The following NPHP3 variants were observed in gnomAD, a reference collection of about 807,000 sequenced individuals.
NPHP3 encodes nephrocystin-3.
A neutral mutation model predicts 171.9 loss-of-function variants in NPHP3; 123 were observed. The observed-to-expected ratio is 0.72, with a 90% CI of 0.62 to 0.83. The LOEUF (loss-of-function observed/expected upper bound fraction) is 0.83. NPHP3 is among the 40% of genes least tolerant of loss of function. The probability of loss-of-function intolerance (pLI) is 0.00; values close to 1 mark genes in which losing one functional copy is unlikely to be tolerated. For synonymous variants in NPHP3, 558 were observed against 579.2 expected (o/e 0.96, Z 0.52); for missense variants, 1,506 against 1,591.9 (o/e 0.95, Z 0.92).
In NPHP3 at chr3:132,692,768, C is replaced by T; in HGVS notation, c.2361G>A (p.Leu787=). ...VSHNGVSESE[L]MELYPEMSWT... ...AGGACATCTCAGGATAGAGTTCCAT[C>T]AGTTCTGATTCACTCACACCATTGT... is the stretch of plus-strand genomic sequence containing the variant. The change falls in exon 17 of 27, where the codon CTG becomes CTA. Residue 787 remains leucine (L), a synonymous_variant. Transcript: ENST00000337331. 2 of 1,613,966 alleles carry T rather than the reference C, an allele frequency of 1.2e-6. No homozygotes were observed. Among genetic ancestry groups the T allele is most frequent in the Non-Finnish European group, 1.7e-6 (2 of 1,179,882 alleles).
rs553460486 is a variant in NPHP3 at position 132,693,140 on chromosome 3, T to C, written c.2311-322A>G. Reference sequence around the variant, plus strand: ...ATTCCAGGAAGACAGTGGAAGAAAATAGCCCTCCTATTATAAACACGTATG... The same window carrying C: ...ATTCCAGGAAGACAGTGGAAGAAAACAGCCCTCCTATTATAAACACGTATG... On this transcript the variant is annotated intron_variant, in intron 16 of 26. Coordinates refer to ENST00000337331, the MANE Select transcript of NPHP3 (RefSeq NM_153240.5). 18 of 285,066 alleles carry C rather than the reference T, an allele frequency of 6.3e-5. No homozygotes were observed. In the East Asian group the frequency reaches 1.3e-3, roughly 20 times the overall value. 17.7% of individuals were successfully genotyped at this position (285,066 alleles called of 1,614,324 possible). A position where few individuals can be genotyped will look rare whatever the true frequency, so the allele number is the denominator to read the frequency against.
intron 3 of NPHP3, chr3:132,717,112 C>A: frequency 4.3e-5 from 22 of 515,506 alleles, no homozygotes; most frequent in South Asian, 8.3e-5. Flanking sequence ...ATCTCAAATT[C>A]AAAGAGAGGA....
At chr3:132,721,137 C>T (rs922318283) in intron 1 of NPHP3, among the ~76,000 whole-genome samples, 1 of 152,074 alleles carries the variant, frequency 6.6e-6, no homozygotes, top group African/African-American at 2.4e-5. Context: ...AGGCTGATCT[C>T]GAACTCCTGA....
At chr3:132,701,681 C>T (rs972903990) in intron 9 of NPHP3, 148 bp from the exon 10 acceptor site, 8 of 642,458 alleles carry the variant, frequency 1.2e-5, no homozygotes, top group East Asian at 5.9e-5. Flanking sequence ...CTCATAATTG[C>T]CTACTTTTAT....
At position 132,689,090 on chromosome 3, in the gene NPHP3, AG is replaced by A. The variant is rs1208525403; in HGVS notation, c.2866del (p.Leu956Ter). ...YETLGRFLKDLGLLSQAIVPL... is the reference protein window; with the variant it reads ...YETLGRFLKDXGLLSQAIVPL... ...TGAGCTTACCTGACTGAGAAGGCCT[AG>A]ATCCTTGAGAAATCGCCCCAAGGTT... is the stretch of plus-strand genomic sequence containing the variant. On this transcript the variant is annotated frameshift_variant, in exon 20 of 27. Transcript: ENST00000337331. LOFTEE classifies it high-confidence loss of function. 6.2e-7 allele frequency: 1 copy of A among 1,614,176 alleles called. No individual in the cohort carries two copies. The highest frequency in any genetic ancestry group is 1.7e-5 in the Admixed American group (1 of 60,018).
At position 132,719,775 on chromosome 3, in the gene NPHP3, G is replaced by A. The variant is rs142663818; in HGVS notation, c.449C>T (p.Ala150Val). ...ILREKESALE[A>V]KYQAMERAAT... The stretch of plus-strand genomic sequence containing the variant: ...TGCTCTCTCCATTGCTTGGTATTTC[G>A]CTTCTAAAGCACTTTCTTTTTCTCG... The change falls in exon 2 of 27, where the codon GCG becomes GTG. Residue 150 changes from alanine (A) to valine (V), a missense_variant. Physicochemically the swap from Ala to Val is moderately conservative, Grantham distance 64 (BLOSUM62 0). This residue lies in a region of NPHP3 where 930 missense variants were observed against 924.9 expected (regional missense o/e 1.01). Coordinates refer to ENST00000337331, the MANE Select transcript of NPHP3 (RefSeq NM_153240.5). 9.4e-4 allele frequency: 1,504 copies of A among 1,599,856 alleles called. 14 individuals carry two copies. In the East Asian group the frequency reaches 0.022, roughly 23 times the overall value.
At chr3:132,719,574 T>C in intron 2 of NPHP3, 131 bp downstream of exon 2, 1 of 572,330 alleles carries the variant, frequency 1.7e-6, no homozygotes, top group Non-Finnish European at 2.7e-6. Flanking sequence ...TGCTCTACAC[T>C]AATTCTTACA....
At chr3:132,720,988 G>A (rs959219669) in intron 1 of NPHP3, among the ~76,000 whole-genome samples, 1 of 151,984 alleles carries the variant, frequency 6.6e-6, no homozygotes, top group African/African-American at 2.4e-5. Context: ...TGCAATCTCG[G>A]CTCACTGCAA....
At chr3:132,694,998 C>A (rs961201333) in intron 15 of NPHP3, 33 bp from the exon 16 acceptor site, 1 of 1,611,390 alleles carries the variant, frequency 6.2e-7, no homozygotes, top group Non-Finnish European at 8.5e-7. Context: ...TAATTTCTTA[C>A]AGATTGCCAA....
intron 26 of NPHP3, 121 bp downstream of exon 26, chr3:132,682,582 C>CA (rs916481446): frequency 1.4e-6 from 1 of 690,296 alleles, no homozygotes. Context: ...AGTCAGTCAG[C>CA]AAAAAACAAC....
At chr3:132,713,802 A>G (rs1939976974) in intron 5 of NPHP3, among the ~76,000 whole-genome samples, 1 of 152,244 alleles carries the variant, frequency 6.6e-6, no homozygotes, top group Non-Finnish European at 1.5e-5. Flanking sequence ...TGTCGTTGGG[A>G]ATAACATTTT....
At chr3:132,697,985 CTTT>C (rs753485150) in intron 13 of NPHP3, among the ~76,000 whole-genome samples, 1 of 143,792 alleles carries the variant, frequency 7.0e-6, no homozygotes. Flanking sequence ...AATTGCTCTA[CTTT>C]TTTTTTTTTT....
chr3:132,700,081 A>G lies in NPHP3; in HGVS notation c.1744-20T>C. 6.2e-7 allele frequency: 1 copy of G among 1,613,580 alleles called. No individual in the cohort carries two copies. On this transcript the variant is annotated intron_variant, in intron 11 of 26. Coordinates refer to ENST00000337331, the MANE Select transcript of NPHP3 (RefSeq NM_153240.5). ...CATCAACTACAAGATAAGAACACAC[A>G]CAAACTGAAGTAGTTACACGTAGTT...
intron 4 of NPHP3, among the ~76,000 whole-genome samples, chr3:132,715,573 G>C (rs1371356363): frequency 1.3e-5 from 2 of 152,182 alleles, no homozygotes. Context: ...GAAATATATT[G>C]AGTTAAAAGA....
chr3:132,712,504 C>T (rs111819704), intron 6 of NPHP3: 11,681 of 455,980 alleles, frequency 0.026, 241 homozygotes, highest in South Asian at 0.057. Flanking sequence ...TGTTGGCCTA[C>T]GCCTGTAATC....
At chr3:132,691,712 T>C (rs924135222) in intron 17 of NPHP3, among the ~76,000 whole-genome samples, 6 of 152,190 alleles carry the variant, frequency 3.9e-5, no homozygotes, top group Non-Finnish European at 7.4e-5. Flanking sequence ...ACCATGGCAT[T>C]GCAGATGATA....
In NPHP3 at chr3:132,683,701, A is replaced by G. The variant is rs200174174; in HGVS notation, c.3571-177T>C. On this transcript the variant is annotated intron_variant, in intron 24 of 26. Coordinates refer to ENST00000337331, the MANE Select transcript of NPHP3 (RefSeq NM_153240.5). ...TAGATAACTGAAAATTTAAAGCTAC[A>G]CTGTATAGAAAAGCATTTTTGATAA... Among the ~76,000 whole-genome samples, 22 of 152,340 alleles carry G rather than the reference A, an allele frequency of 1.4e-4. 2 individuals carry two copies. The East Asian group carries it at 4.0e-3, about 28-fold the overall frequency.
At chr3:132,691,115 G>T in intron 18 of NPHP3, 77 bp downstream of exon 18, 1 of 1,094,060 alleles carries the variant, frequency 9.1e-7, no homozygotes, top group Non-Finnish European at 1.4e-6. Flanking sequence ...TAAGTTGTAA[G>T]CTAAGAAACA....
intron 23 of NPHP3, chr3:132,685,234 C>T (rs1020304217): frequency 2.2e-5 from 4 of 181,146 alleles, no homozygotes; most frequent in African/African-American, 7.2e-5. Flanking sequence ...CCACCTTAGC[C>T]TCTCAAGTAG....
Sources: allele counts gnomAD v4.1 joint callset (sites outside exome capture counted in the v4.1 genomes callset), GRCh38; gene constraint gnomAD v4.1.1; regional missense constraint gnomAD v4.1.1; transcripts MANE v1.5; gene names NCBI Gene and HGNC (gene_info 2026-07-23, HGNC 2026-07-21).